CNTN4: variants seen among roughly 807,000 people sequenced by gnomAD.
CNTN4 encodes contactin-4.
Under a neutral mutation model 122.5 loss-of-function variants are expected in CNTN4, and 77 were observed. The ratio of observed to expected loss-of-function variants is 0.63; its 90% CI spans 0.52 to 0.76. The LOEUF (loss-of-function observed/expected upper bound fraction) is 0.76. Ranked by LOEUF, CNTN4 falls within the 30% of genes least tolerant of loss-of-function variation. The probability of loss-of-function intolerance (pLI) is 0.00; values close to 1 mark genes in which losing one functional copy is unlikely to be tolerated. For synonymous variants in CNTN4, 512 were observed against 447.0 expected, an observed-to-expected ratio of 1.15 and a Z score of -1.83; for missense variants, 1,256 against 1,259.1, an observed-to-expected ratio of 1.00 and a Z score of 0.04.
chr3:2,270,292 T>C (rs1153491), intron 2 of CNTN4, among the ~76,000 whole-genome samples: 107,124 of 150,232 alleles, frequency 0.71, 38,626 homozygotes, highest in South Asian at 0.8. Flanking sequence ...TTCAACGACA[T>C]ATATACAGGT....
intron 3 of CNTN4, among the ~76,000 whole-genome samples, chr3:2,484,923 C>G (rs750901314): frequency 6.6e-6 from 1 of 152,154 alleles, no homozygotes; most frequent in East Asian, 1.9e-4. Flanking sequence ...GAGGCACGGG[C>G]GGGAGCCAGG....
At chr3:2,625,145 A>G (rs1410894009) in intron 4 of CNTN4, among the ~76,000 whole-genome samples, 1 of 152,180 alleles carries the variant, frequency 6.6e-6, no homozygotes, top group Non-Finnish European at 1.5e-5. Flanking sequence ...TGTTTTCAGT[A>G]CATACTGTAA....
At chr3:2,157,379 G>A (rs758174446) in intron 2 of CNTN4, among the ~76,000 whole-genome samples, 19 of 152,114 alleles carry the variant, frequency 1.2e-4, no homozygotes, top group Admixed American at 9.2e-4. Flanking sequence ...ATGTGTTTAC[G>A]GGGTTAGTGA....
At chr3:2,321,525 CT>C (rs2043276538) in intron 2 of CNTN4, among the ~76,000 whole-genome samples, 1 of 152,016 alleles carries the variant, frequency 6.6e-6, no homozygotes, top group African/African-American at 2.4e-5. Context: ...AATTTGTCCT[CT>C]TTAGCATGCC....
intron 3 of CNTN4, among the ~76,000 whole-genome samples, chr3:2,418,468 AT>A (rs916554333): frequency 6.6e-6 from 1 of 152,198 alleles, no homozygotes; most frequent in African/African-American, 2.4e-5. Flanking sequence ...CAATCTAATC[AT>A]TAGATACTCA....
chr3:2,361,312 C>A (rs2045126557), intron 3 of CNTN4, among the ~76,000 whole-genome samples: 1 of 152,144 alleles, frequency 6.6e-6, no homozygotes, highest in African/African-American at 2.4e-5. Context: ...CAACCAGGGG[C>A]AATTTTGTCC....
chr3:2,599,744 G>A (rs939547920), intron 4 of CNTN4, among the ~76,000 whole-genome samples: 5 of 152,132 alleles, frequency 3.3e-5, no homozygotes, highest in East Asian at 1.9e-4. Flanking sequence ...AATTACATCA[G>A]CATTATTCAT....
At chr3:2,840,496 C>G (rs572628742) in intron 7 of CNTN4, among the ~76,000 whole-genome samples, 125 of 140,440 alleles carry the variant, frequency 8.9e-4, no homozygotes, top group Middle Eastern at 7.1e-3. Context: ...GTCAGGAGAT[C>G]GAGACCATCC....
At chr3:2,185,769 A>C (rs748445360) in intron 2 of CNTN4, among the ~76,000 whole-genome samples, 9 of 152,132 alleles carry the variant, frequency 5.9e-5, no homozygotes, top group Non-Finnish European at 1.2e-4. Context: ...AGACTACTCA[A>C]ATTGTCATTG....
intron 4 of CNTN4, among the ~76,000 whole-genome samples, chr3:2,708,540 A>T (rs2086884298): frequency 6.6e-6 from 1 of 152,142 alleles, no homozygotes; most frequent in African/African-American, 2.4e-5. Context: ...TCAGTGACAA[A>T]ACTGTGAAGT....
At chr3:2,950,654 T>C (rs959210565) in intron 13 of CNTN4, among the ~76,000 whole-genome samples, 3 of 152,212 alleles carry the variant, frequency 2.0e-5, no homozygotes, top group African/African-American at 7.2e-5. Context: ...GTGTGGCCAC[T>C]CACCTAGACT....
intron 3 of CNTN4, among the ~76,000 whole-genome samples, chr3:2,436,631 A>T (rs2048267525): frequency 6.6e-6 from 1 of 151,986 alleles, no homozygotes; most frequent in African/African-American, 2.4e-5. Context: ...TTTGGTTGGG[A>T]TGTTAACTGC....
At chr3:3,035,230 C>T (rs1322951448) in intron 17 of CNTN4, among the ~76,000 whole-genome samples, 2 of 150,906 alleles carry the variant, frequency 1.3e-5, no homozygotes, top group Non-Finnish European at 2.9e-5. Context: ...ATTGCTTGAG[C>T]CCAGGAGGTA....
chr3:2,583,793 G>A (rs1383373618), intron 4 of CNTN4, among the ~76,000 whole-genome samples: 1 of 152,062 alleles, frequency 6.6e-6, no homozygotes, highest in African/African-American at 2.4e-5. Context: ...TGGGTGTACC[G>A]AGATATCTGT....
At chr3:2,911,406 G>C (rs1343968566) in intron 12 of CNTN4, among the ~76,000 whole-genome samples, 1 of 152,174 alleles carries the variant, frequency 6.6e-6, no homozygotes, top group Non-Finnish European at 1.5e-5. Context: ...TGCATCATCA[G>C]AAAAGGCTTG....
At chr3:2,414,311 G>A (rs192531615) in intron 3 of CNTN4, among the ~76,000 whole-genome samples, 8 of 152,122 alleles carry the variant, frequency 5.3e-5, no homozygotes, top group Admixed American at 4.6e-4. Context: ...ACACCATTTA[G>A]CATATTGCGT....
At position 2,745,670 on chromosome 3, in the gene CNTN4, A is replaced by G; in HGVS notation, c.331A>G (p.Ser111Gly). The G allele has an allele frequency of 6.2e-7, 1 of 1,614,148 alleles. No homozygotes were observed. The highest frequency in any genetic ancestry group is 8.5e-7 in the Non-Finnish European group (1 of 1,179,976). ...GACAAACTCGTTTGGAACAATTGTT[A>G]GCAGAGAAGCAAAGCTTCAGTTTGC... ...TATNSFGTIV[S>G]REAKLQFAYL... Residue 111 changes from serine (S) to glycine (G), a missense_variant, in exon 6 of 25, where the codon AGC becomes GGC. Ser to Gly is a moderately conservative substitution (Grantham distance 56, BLOSUM62 0). Coordinates refer to ENST00000418658, the MANE Select transcript of CNTN4 (RefSeq NM_175607.3).
At chr3:2,429,549 A>G (rs559746779) in intron 3 of CNTN4, among the ~76,000 whole-genome samples, 4 of 152,324 alleles carry the variant, frequency 2.6e-5, no homozygotes, top group Admixed American at 6.5e-5. Context: ...TTGAGGCGGC[A>G]GTCTGTCCGT....
At chr3:2,917,204 G>A (rs2094374690) in intron 12 of CNTN4, among the ~76,000 whole-genome samples, 1 of 151,488 alleles carries the variant, frequency 6.6e-6, no homozygotes, top group South Asian at 2.1e-4. Flanking sequence ...GGCAGGCTGA[G>A]GCAGGAGAAT....
Sources: allele counts gnomAD v4.1 joint callset (sites outside exome capture counted in the v4.1 genomes callset), GRCh38; gene constraint gnomAD v4.1.1; transcripts MANE v1.5; gene names NCBI Gene and HGNC (gene_info 2026-07-23, HGNC 2026-07-21).